The following CPE variants were observed in gnomAD, a reference collection of about 807,000 sequenced individuals.
CPE encodes the protein carbocypeptidase E.
In CPE, 17 loss-of-function variants were observed where a neutral mutation model predicts 53.5. The observed-to-expected ratio is 0.32, with a 90% CI of 0.22 to 0.48. CPE has a LOEUF of 0.48. Among genes scored for constraint, CPE ranks in the 20% least tolerant of loss-of-function variants. The pLI is 0.99. For synonymous variants in CPE, 226 were observed against 228.8 expected, an observed-to-expected ratio of 0.99 and a Z score of 0.11; for missense variants, 524 against 614.7, an observed-to-expected ratio of 0.85 and a Z score of 1.56.
intron 1 of CPE, among the ~76,000 whole-genome samples, chr4:165,425,471 G>A (rs1462817688): frequency 1.3e-5 from 2 of 152,006 alleles, no homozygotes; most frequent in Non-Finnish European, 2.9e-5. Context: ...ACAGTTAGAC[G>A]ACAAGGTGAA....
chr4:165,400,270 G>T (rs1730844361), intron 1 of CPE, among the ~76,000 whole-genome samples: 1 of 152,204 alleles, frequency 6.6e-6, no homozygotes, highest in Admixed American at 6.5e-5. Flanking sequence ...GGAATCACTT[G>T]CATGACTGGT....
chr4:165,467,911 C>G, intron 3 of CPE, 56 bp downstream of exon 3: 6 of 1,557,030 alleles, frequency 3.9e-6, no homozygotes, highest in Non-Finnish European at 5.3e-6. Flanking sequence ...GAAATATGTT[C>G]CAATATCTTC....
At chr4:165,410,871 T>G (rs1321644044) in intron 1 of CPE, among the ~76,000 whole-genome samples, 2 of 151,946 alleles carry the variant, frequency 1.3e-5, no homozygotes, top group African/African-American at 4.8e-5. Context: ...CACTTTGGGG[T>G]TCCCTTTCTA....
chr4:165,379,583 G>T lies in CPE; in HGVS notation c.307+55G>T. On this transcript the variant is annotated intron_variant, in intron 1 of 8. Coordinates refer to ENST00000402744, the MANE Select transcript of CPE (RefSeq NM_001873.4). This position sits in a 1 kb window ranked among gnomAD's most constrained non-coding sequence, Gnocchi z 6.0. ...GGGCATCCCGGAGGGGGGCGGCAGA[G>T]GGTGGGACTGGTGGCGGTGGGGGAA... 1 of 1,404,286 alleles carries T rather than the reference G, an allele frequency of 7.1e-7. No individual in the cohort carries two copies. The highest frequency in any genetic ancestry group is 2.7e-5 in the East Asian group (1 of 37,714). The allele number at this position is 1,404,286 out of a possible 1,614,324, so 87.0% of individuals were successfully genotyped here.
intron 1 of CPE, among the ~76,000 whole-genome samples, chr4:165,443,774 T>C (rs1229718229): frequency 6.6e-6 from 1 of 152,218 alleles, no homozygotes; most frequent in Non-Finnish European, 1.5e-5. Flanking sequence ...TGAATGTTTG[T>C]GTTCTCCCAA....
At position 165,484,456 on chromosome 4, in the gene CPE, C is replaced by T. The variant is rs184912639; in HGVS notation, c.825C>T (p.Asp275=). The T allele has an allele frequency of 2.8e-5, 45 of 1,614,036 alleles. No homozygotes were observed. Among genetic ancestry groups the T allele is most frequent in the Admixed American group, 2.7e-4 (16 of 60,002 alleles). Residue 275 remains aspartate (D), a synonymous_variant, in exon 5 of 9, where the codon GAC becomes GAT. Transcript: ENST00000402744. ...ACGAATACAGCTCCTCCCCAGATGA[C>T]GCCATTTTCCAAAGCTTGGCCCGGG... The part of the protein sequence containing the change: ...SAHEYSSSPD[D]AIFQSLARAY...
rs369909779 is a variant in CPE, at chr4:165,382,155, C to CAGTA, written c.307+2628_307+2631dup. ...TTATTGAAGAATTGATGACAAAAGACAGTAGGTCAGCAGGTCAGGGAGACT... is the reference window on the plus strand; with the variant it reads ...TTATTGAAGAATTGATGACAAAAGACAGTAAGTAGGTCAGCAGGTCAGGGAGACT... On this transcript the variant is annotated intron_variant, in intron 1 of 8. Coordinates refer to ENST00000402744, the MANE Select transcript of CPE (RefSeq NM_001873.4). 3.7e-3 allele frequency among the ~76,000 whole-genome samples: 533 copies of CAGTA among 142,902 alleles called. 9 individuals carry two copies. Among genetic ancestry groups the CAGTA allele is most frequent in the African/African-American group, 0.014 (513 of 36,988 alleles). 93.7% of individuals were successfully genotyped at this position (142,902 alleles called of 152,430 possible). A position where few individuals can be genotyped will look rare whatever the true frequency, so the allele number is the denominator to read the frequency against.
intron 1 of CPE, among the ~76,000 whole-genome samples, chr4:165,402,227 C>T (rs764315769): frequency 3.3e-5 from 5 of 152,192 alleles, no homozygotes; most frequent in Non-Finnish European, 7.3e-5. Context: ...CTGATTCTCT[C>T]AGAGTTTGCT....
intron 1 of CPE, chr4:165,406,160 C>T (rs529067166): frequency 5.2e-5 from 38 of 732,294 alleles, no homozygotes; most frequent in African/African-American, 3.6e-4. Context: ...GTTTATTCAG[C>T]GTATTTATCT....
At chr4:165,493,145 T>C (rs200971710) in intron 6 of CPE, 26 bp from the exon 7 acceptor site, 1 of 1,469,448 alleles carries the variant, frequency 6.8e-7, no homozygotes, top group Non-Finnish European at 9.5e-7. Flanking sequence ...TCATATTAAT[T>C]TTTTGGTTAT....
At position 165,495,837 on chromosome 4, in the gene CPE, A is replaced by C. The variant is rs186818907; in HGVS notation, c.1332+160A>C. Among the ~76,000 whole-genome samples, 97 of 152,380 alleles carry C rather than the reference A, an allele frequency of 6.4e-4. 1 individual carries two copies. The highest frequency in any genetic ancestry group is 3.4e-3 in the Middle Eastern group (1 of 294). ...AGATGAGAAAACTGAGGCTTAGCAA[A>C]GTTAATATGAAGCTCTATTACCATT... On this transcript the variant is annotated intron_variant, in intron 8 of 8. Transcript: ENST00000402744.
chr4:165,494,474 A>G (rs969023374), intron 7 of CPE, among the ~76,000 whole-genome samples: 1 of 152,212 alleles, frequency 6.6e-6, no homozygotes, highest in Admixed American at 6.5e-5. Context: ...CTGAAGGTAG[A>G]AAATGAAGTG....
chr4:165,479,919 G>T (rs1418095873), intron 3 of CPE, among the ~76,000 whole-genome samples: 1 of 151,054 alleles, frequency 6.6e-6, no homozygotes, highest in Non-Finnish European at 1.5e-5. Context: ...GTGAACCCGG[G>T]AGGCGGAGCT....
intron 4 of CPE, among the ~76,000 whole-genome samples, chr4:165,483,796 C>T (rs1220765769): frequency 6.6e-6 from 1 of 152,020 alleles, no homozygotes; most frequent in Non-Finnish European, 1.5e-5. Flanking sequence ...TGTCCTTTGC[C>T]CACTTTTTAA....
intron 1 of CPE, among the ~76,000 whole-genome samples, chr4:165,436,691 A>T (rs888082568): frequency 2.0e-5 from 3 of 152,286 alleles, no homozygotes. Flanking sequence ...TTATTTAGAG[A>T]TGGGCTCTTG....
At chr4:165,405,205 C>T (rs1197623855) in intron 1 of CPE, 3 of 785,486 alleles carry the variant, frequency 3.8e-6, no homozygotes, top group Non-Finnish European at 2.3e-6. Flanking sequence ...TAAGTATAGT[C>T]TTTCGCCCCT....
intron 4 of CPE, 109 bp from the exon 5 acceptor site, chr4:165,484,311 TAA>T: frequency 9.8e-7 from 1 of 1,021,480 alleles, no homozygotes; most frequent in Non-Finnish European, 1.4e-6. Flanking sequence ...GTTATGTAGC[TAA>T]AAAAATACAT....
At chr4:165,452,567 T>A (rs755956862) in intron 1 of CPE, among the ~76,000 whole-genome samples, 1 of 152,226 alleles carries the variant, frequency 6.6e-6, no homozygotes, top group Non-Finnish European at 1.5e-5. Flanking sequence ...CTTTGTACAT[T>A]TTTGTGATTT....
At chr4:165,465,816 T>G (rs1678158948) in intron 2 of CPE, among the ~76,000 whole-genome samples, 1 of 152,164 alleles carries the variant, frequency 6.6e-6, no homozygotes, top group Non-Finnish European at 1.5e-5. Flanking sequence ...ATTTTAAGCT[T>G]CTAATCTTTA....
Sources: allele counts gnomAD v4.1 joint callset (sites outside exome capture counted in the v4.1 genomes callset), GRCh38; gene constraint gnomAD v4.1.1; non-coding constraint Gnocchi (gnomAD v3.1); transcripts MANE v1.5; gene names NCBI Gene and HGNC (gene_info 2026-07-23, HGNC 2026-07-21).